Variants in GAD2 observed in about 807,000 individuals in gnomAD.
The protein encoded by GAD2 is 65 kDa glutamic acid decarboxylase.
Under a neutral mutation model 80.1 loss-of-function variants are expected in GAD2, and 22 were observed. The observed-to-expected ratio is 0.27, with a 90% CI of 0.20 to 0.39. GAD2 has a LOEUF of 0.39. Among genes scored for constraint, GAD2 ranks in the 10% least tolerant of loss-of-function variants. The pLI is 1.00. For missense variants in GAD2, 624 were observed against 738.4 expected, an observed-to-expected ratio of 0.85 and a Z score of 1.80; for synonymous variants, 274 against 256.9, an observed-to-expected ratio of 1.07 and a Z score of -0.64.
intron 3 of GAD2, 125 bp from the exon 4 acceptor site, chr10:26,218,918 C>G (rs7071922): frequency 0.32 from 203,947 of 640,860 alleles, 40,781 homozygotes; most frequent in African/African-American, 0.82. Flanking sequence ...AATGTTCTGC[C>G]TTTCCAAAAG....
rs141831769 is a variant in GAD2, at chr10:26,276,776, G to C, written c.1157+3076G>C. On this transcript the variant is annotated intron_variant, in intron 11 of 15. Transcript: ENST00000376261. ...TCCTCTGATGTGTTCCACTCTCAAG[G>C]CTTTAAGTCGCAGCTGAAGGTGCTG... 2.6e-4 allele frequency among the ~76,000 whole-genome samples: 39 copies of C among 152,270 alleles called. 2 individuals carry two copies. Among genetic ancestry groups the C allele is most frequent in the African/African-American group, 8.9e-4 (37 of 41,548 alleles).
chr10:26,293,141 A>G (rs1834237085), intron 15 of GAD2, 150 bp downstream of exon 15: 1 of 554,748 alleles, frequency 1.8e-6, no homozygotes, highest in South Asian at 2.3e-5. Flanking sequence ...GCCAGGACAT[A>G]TAGAGCCTGA....
rs527741159 is a variant in GAD2 at position 26,290,742 on chromosome 10, C to A, written c.1387-1723C>A. 9.8e-4 allele frequency among the ~76,000 whole-genome samples: 150 copies of A among 152,320 alleles called. 6 individuals are homozygous for A. The South Asian group carries it at 0.03, about 31-fold the overall frequency. On this transcript the variant is annotated intron_variant, in intron 13 of 15. Coordinates refer to ENST00000376261, the MANE Select transcript of GAD2 (RefSeq NM_001134366.2). ...AAACCCCAAGACCACATAGAGGCAG[C>A]AGCTGAACACTTGGATGGTGAGATT...
chr10:26,238,977 G>C (rs769392246), intron 7 of GAD2, among the ~76,000 whole-genome samples: 1 of 151,578 alleles, frequency 6.6e-6, no homozygotes, highest in East Asian at 1.9e-4. Context: ...GGCCCCGGGG[G>C]ATGGTGGGGT....
chr10:26,302,109 C>G lies in GAD2; in HGVS notation c.*1148C>G, dbSNP rs1834334627. 2.6e-5 allele frequency: 4 copies of G among 152,208 alleles called. No homozygotes were observed. The South Asian group carries it at 6.2e-4, about 24-fold the overall frequency. 9.4% of individuals were successfully genotyped at this position (152,208 alleles called of 1,614,324 possible). A position where few individuals can be genotyped will look rare whatever the true frequency, so the allele number is the denominator to read the frequency against. ...TCTGTGGGACAATAATGACATCATC[C>G]TGGCGCCATATTGCCACTGTCCAGG... On this transcript the variant is annotated 3_prime_UTR_variant, in exon 16 of 16. Coordinates refer to ENST00000376261, the MANE Select transcript of GAD2 (RefSeq NM_001134366.2).
At position 26,292,975 on chromosome 10, in the gene GAD2, T is replaced by C. The variant is rs775690793; in HGVS notation, c.1568T>C (p.Met523Thr). 7 of 1,613,548 alleles carry C rather than the reference T, an allele frequency of 4.3e-6. No homozygotes were observed. The highest frequency in any genetic ancestry group is 5.1e-6 in the Non-Finnish European group (6 of 1,179,700). Residue 523 changes from methionine to threonine, a missense_variant, in exon 15 of 16, where the codon ATG (methionine) becomes ACG (threonine). Met to Thr is a moderately conservative substitution (Grantham distance 81, BLOSUM62 -1). Coordinates refer to ENST00000376261, the MANE Select transcript of GAD2 (RefSeq NM_001134366.2). ...LRTLEDNEER[M>T]SRLSKVAPVI... The stretch of plus-strand genomic sequence containing the variant: ...ACTCTGGAAGACAATGAAGAGAGAA[T>C]GAGTCGCCTCTCGAAGGTCAGTGCT...
intron 3 of GAD2, among the ~76,000 whole-genome samples, chr10:26,218,551 T>TCTCTCTCACACACACA (rs748110324): frequency 4.7e-4 from 56 of 118,852 alleles, no homozygotes; most frequent in East Asian, 3.3e-3. Context: ...TCTCTCTCTC[T>TCTCTCTCACACACACA]CACACACACA....
chr10:26,220,798 G>A (rs1302281385), intron 4 of GAD2, among the ~76,000 whole-genome samples: 1 of 152,174 alleles, frequency 6.6e-6, no homozygotes, highest in Non-Finnish European at 1.5e-5. Flanking sequence ...AAAGCTAGTG[G>A]TGCCTGAAAT....
intron 11 of GAD2, among the ~76,000 whole-genome samples, chr10:26,278,166 C>G (rs747672623): frequency 6.6e-5 from 10 of 152,132 alleles, no homozygotes; most frequent in Non-Finnish European, 1.0e-4. Flanking sequence ...TAGGCCCCCA[C>G]GTAGAGATAA....
chr10:26,237,193 G>A (rs948848062), intron 7 of GAD2, among the ~76,000 whole-genome samples: 1 of 152,178 alleles, frequency 6.6e-6, no homozygotes, highest in Admixed American at 6.5e-5. Flanking sequence ...GGATGGGAAG[G>A]GGCTCCTGAG....
intron 11 of GAD2, among the ~76,000 whole-genome samples, chr10:26,277,236 CA>C (rs1457898792): frequency 6.6e-6 from 1 of 152,178 alleles, no homozygotes; most frequent in Non-Finnish European, 1.5e-5. Context: ...GGAGAAAGTT[CA>C]AACCCGTTTG....
chr10:26,228,031 C>A (rs1007929029), intron 6 of GAD2, among the ~76,000 whole-genome samples: 1 of 152,226 alleles, frequency 6.6e-6, no homozygotes, highest in Admixed American at 6.5e-5. Context: ...CTGGGCCATT[C>A]AGCTTGACAT....
chr10:26,225,121 G>A (rs1282462279), intron 6 of GAD2, among the ~76,000 whole-genome samples: 1 of 152,208 alleles, frequency 6.6e-6, no homozygotes, highest in Admixed American at 6.5e-5. Context: ...AAGCACCAAA[G>A]TGGATTTACA....
chr10:26,292,788 T>C (rs1002248361), intron 14 of GAD2, 114 bp from the exon 15 acceptor site: 18 of 959,330 alleles, frequency 1.9e-5, no homozygotes, highest in Admixed American at 5.5e-5. Flanking sequence ...CAATTCCTGA[T>C]TGAAAAGTGG....
At chr10:26,300,405 T>C (rs1197807932) in intron 15 of GAD2, among the ~76,000 whole-genome samples, 1 of 152,162 alleles carries the variant, frequency 6.6e-6, no homozygotes, top group East Asian at 1.9e-4. Context: ...TTGGTAACAA[T>C]CCTCTGAACT....
chr10:26,292,862 C>T (rs754155210), intron 14 of GAD2, 40 bp from the exon 15 acceptor site: 1 of 1,547,924 alleles, frequency 6.5e-7, no homozygotes, highest in South Asian at 1.1e-5. Context: ...TCAAAATTGC[C>T]AGCCTGGGCC....
chr10:26,269,515 G>C (rs1277402992), intron 9 of GAD2, among the ~76,000 whole-genome samples: 2 of 152,250 alleles, frequency 1.3e-5, no homozygotes, highest in Non-Finnish European at 2.9e-5. Context: ...CAGTATGTGA[G>C]AGACCCTGGT....
chr10:26,264,351 C>T (rs1026408206), intron 8 of GAD2, among the ~76,000 whole-genome samples: 16 of 144,420 alleles, frequency 1.1e-4, no homozygotes, highest in African/African-American at 1.8e-4. Context: ...CTCGCTCTGT[C>T]GCCCAGGCTG....
chr10:26,278,781 C>A (rs906118832), intron 11 of GAD2, among the ~76,000 whole-genome samples: 1 of 151,938 alleles, frequency 6.6e-6, no homozygotes, highest in East Asian at 1.9e-4. Flanking sequence ...AGTGTCAGAG[C>A]CAGAGAAAGA....
Sources: gnomAD v4.1 joint callset for allele counts (sites outside exome capture counted in the v4.1 genomes callset) on GRCh38, gnomAD v4.1.1 for gene constraint, MANE v1.5 for transcripts, NCBI Gene and HGNC (gene_info 2026-07-23, HGNC 2026-07-21) for gene names.